The following COL26A1 variants were observed in gnomAD, a reference collection of about 807,000 sequenced individuals.
COL26A1 encodes collagen alpha-1(XXVI) chain.
A neutral mutation model predicts 59.3 loss-of-function variants in COL26A1; 41 were observed. That is an observed-to-expected ratio of 0.69 (90% CI 0.54 to 0.90). COL26A1 has a LOEUF of 0.90. Ranked by LOEUF, COL26A1 falls within the 40% of genes least tolerant of loss-of-function variation. The pLI is 0.00. For synonymous variants in COL26A1, 266 were observed against 256.0 expected, an observed-to-expected ratio of 1.04 and a Z score of -0.37; for missense variants, 612 against 602.3, an observed-to-expected ratio of 1.02 and a Z score of -0.17.
chr7:101,557,038 T>C (rs1487735842), intron 12 of COL26A1, among the ~76,000 whole-genome samples: 4 of 76,268 alleles, frequency 5.2e-5, no homozygotes, highest in Non-Finnish European at 1.4e-4. Flanking sequence ...GATGGATGGA[T>C]GGATGGACGG....
chr7:101,492,315 A>T (rs528444687), intron 3 of COL26A1, among the ~76,000 whole-genome samples: 36 of 152,312 alleles, frequency 2.4e-4, no homozygotes, highest in Admixed American at 1.9e-3. Flanking sequence ...GGGAGCCTCT[A>T]GGTATGAGGT....
At chr7:101,491,248 G>A (rs371017346) in intron 3 of COL26A1, among the ~76,000 whole-genome samples, 3 of 151,892 alleles carry the variant, frequency 2.0e-5, no homozygotes, top group African/African-American at 4.8e-5. Context: ...CCCAACTCCC[G>A]TGCAGGGGTG....
chr7:101,453,484 A>T (rs969897178), intron 3 of COL26A1, among the ~76,000 whole-genome samples: 1 of 152,228 alleles, frequency 6.6e-6, no homozygotes, highest in Non-Finnish European at 1.5e-5. Flanking sequence ...TGGACTGATT[A>T]TGATGAGTTC....
intron 4 of COL26A1, among the ~76,000 whole-genome samples, chr7:101,538,652 T>C (rs1329953607): frequency 6.6e-6 from 1 of 152,184 alleles, no homozygotes; most frequent in African/African-American, 2.4e-5. Flanking sequence ...GAGCCCGTTC[T>C]GCAGCCCACA....
At chr7:101,398,032 A>G (rs1456588085) in intron 1 of COL26A1, among the ~76,000 whole-genome samples, 1 of 152,154 alleles carries the variant, frequency 6.6e-6, no homozygotes, top group Non-Finnish European at 1.5e-5. Flanking sequence ...CTTGAATGTC[A>G]TATAAACAGA....
intron 3 of COL26A1, among the ~76,000 whole-genome samples, chr7:101,518,750 A>G (rs1458497029): frequency 6.6e-6 from 1 of 152,192 alleles, no homozygotes; most frequent in East Asian, 1.9e-4. Flanking sequence ...CTCTCCTGGT[A>G]TCCTTGCTGC....
intron 1 of COL26A1, among the ~76,000 whole-genome samples, chr7:101,395,866 G>C (rs889008862): frequency 2.0e-5 from 3 of 152,162 alleles, no homozygotes; most frequent in African/African-American, 7.2e-5. Context: ...GCAGCCTTGG[G>C]GTTGTCGAGG....
chr7:101,363,235 C>A (rs1466424412), intron 1 of COL26A1, 45 bp downstream of exon 1: 2 of 1,221,838 alleles, frequency 1.6e-6, no homozygotes, highest in South Asian at 1.7e-5. Flanking sequence ...GGGGAGGGAG[C>A]GGACAGCGGG....
At chr7:101,414,542 A>AT (rs1792327896) in intron 1 of COL26A1, among the ~76,000 whole-genome samples, 1 of 151,704 alleles carries the variant, frequency 6.6e-6, no homozygotes, top group African/African-American at 2.4e-5. Context: ...GGCTCAAGCA[A>AT]TTCTCCCGCC....
chr7:101,425,932 T>C (rs562227064), intron 2 of COL26A1, among the ~76,000 whole-genome samples: 1 of 151,778 alleles, frequency 6.6e-6, no homozygotes, highest in African/African-American at 2.4e-5. Context: ...GTTCAAGCGA[T>C]TGTCCTACCC....
At position 101,363,102 on chromosome 7, in the gene COL26A1, C is replaced by T. The variant is rs759630700; in HGVS notation, c.70C>T (p.Leu24Phe). Residue 24 changes from leucine (L) to phenylalanine (F), a missense_variant, in exon 1 of 13, where the codon CTC becomes TTC. Physicochemically the swap from Leu to Phe is conservative, Grantham distance 22. Transcript: ENST00000313669. ...CGGGTCGGCGCTGGCCACCGGCTTC[C>T]TCTATCCCTTCTCGGCCGCAGCTCT... ...LCGSALATGF[L>F]YPFSAAALQQ... 5 of 1,559,368 alleles carry T rather than the reference C, an allele frequency of 3.2e-6. No individual in the cohort carries two copies. The highest frequency in any genetic ancestry group is 4.3e-6 in the Non-Finnish European group (5 of 1,161,386).
chr7:101,525,502 G>GA, intron 3 of COL26A1, among the ~76,000 whole-genome samples: 1 of 116,998 alleles, frequency 8.5e-6, no homozygotes, highest in South Asian at 2.8e-4. Flanking sequence ...TGTTTTTTTG[G>GA]TTTTTTTTTT....
chr7:101,424,882 C>T (rs1158600289), intron 2 of COL26A1, among the ~76,000 whole-genome samples: 2 of 152,096 alleles, frequency 1.3e-5, no homozygotes, highest in South Asian at 2.1e-4. Context: ...CCCCACCCTG[C>T]CCCGCTCTAG....
chr7:101,439,637 G>A lies in COL26A1; in HGVS notation c.282-8047G>A, dbSNP rs1222980748. Among the ~76,000 whole-genome samples the A allele has an allele frequency of 9.9e-5, 15 of 151,110 alleles. No homozygotes were observed. The East Asian group carries it at 2.7e-3, about 27-fold the overall frequency. On this transcript the variant is annotated intron_variant, in intron 2 of 12. Coordinates refer to ENST00000313669, the MANE Select transcript of COL26A1 (RefSeq NM_001278563.3). Reference sequence around the variant, plus strand: ...GTGGCTGGAAAACAAAGTCACCTGCGAGGCCAGGGAGGACACCAGATCAAA... The same window carrying A: ...GTGGCTGGAAAACAAAGTCACCTGCAAGGCCAGGGAGGACACCAGATCAAA...
chr7:101,553,072 A>G, intron 10 of COL26A1: 1 of 355,780 alleles, frequency 2.8e-6, no homozygotes, highest in Non-Finnish European at 5.1e-6. Context: ...TCTGCCCCAG[A>G]AGCAGAATGA....
chr7:101,487,366 T>G (rs6972719), intron 3 of COL26A1, among the ~76,000 whole-genome samples: 61,152 of 151,876 alleles, frequency 0.4, 13,061 homozygotes, highest in African/African-American at 0.54. Context: ...AGGCTTGGAT[T>G]CCATAGCCTG....
chr7:101,536,778 G>A (rs529150042), intron 4 of COL26A1, among the ~76,000 whole-genome samples: 77 of 152,330 alleles, frequency 5.1e-4, no homozygotes, highest in African/African-American at 1.7e-3. Context: ...AGGTGGTCTC[G>A]GGATTGGTTT....
At chr7:101,434,309 A>G (rs906758389) in intron 2 of COL26A1, among the ~76,000 whole-genome samples, 1 of 151,192 alleles carries the variant, frequency 6.6e-6, no homozygotes, top group African/African-American at 2.4e-5. Context: ...GCTGGAGTGC[A>G]ATGGCACAAT....
At position 101,416,329 on chromosome 7, in the gene COL26A1, C is replaced by T. The variant is rs1792369656; in HGVS notation, c.159-3648C>T. ...ATTGCATGAGCCCAGGAGGTTGAGGCTGTGGTGAGCCATGATCATGCCACT... is the reference window on the plus strand; with the variant it reads ...ATTGCATGAGCCCAGGAGGTTGAGGTTGTGGTGAGCCATGATCATGCCACT... On this transcript the variant is annotated intron_variant, in intron 1 of 12. Transcript: ENST00000313669. 1.4e-5 allele frequency among the ~76,000 whole-genome samples: 2 copies of T among 143,218 alleles called. 1 individual carries two copies. The highest frequency in any genetic ancestry group is 1.4e-4 in the Admixed American group (2 of 14,168). 94.0% of individuals were successfully genotyped at this position (143,218 alleles called of 152,430 possible). A position where few individuals can be genotyped will look rare whatever the true frequency, so the allele number is the denominator to read the frequency against.
Sources: allele counts gnomAD v4.1 joint callset (sites outside exome capture counted in the v4.1 genomes callset), GRCh38; gene constraint gnomAD v4.1.1; transcripts MANE v1.5; gene names NCBI Gene and HGNC (gene_info 2026-07-23, HGNC 2026-07-21).